The following SETD2 variants were observed in gnomAD, a reference collection of about 807,000 sequenced individuals.
SETD2 encodes SET domain containing 2, histone lysine methyltransferase, also known as histone-lysine N-methyltransferase SETD2.
SETD2 carries 31 observed loss-of-function variants against 242.1 expected under a neutral mutation model. The observed-to-expected ratio is 0.13, with a 90% CI of 0.10 to 0.17. The LOEUF (loss-of-function observed/expected upper bound fraction) is 0.17, where lower values mean the gene tolerates loss of function less well. Among genes scored for constraint, SETD2 ranks in the 10% least tolerant of loss-of-function variants. The probability of loss-of-function intolerance (pLI) is 1.00; values close to 1 mark genes in which losing one functional copy is unlikely to be tolerated. For synonymous variants in SETD2, 1,006 were observed against 1,066.5 expected, an observed-to-expected ratio of 0.94 and a Z score of 1.11; for missense variants, 2,481 against 3,046.3, an observed-to-expected ratio of 0.81 and a Z score of 4.37.
At chr3:47,071,319 T>G (rs1171470646) in intron 12 of SETD2, among the ~76,000 whole-genome samples, 1 of 151,990 alleles carries the variant, frequency 6.6e-6, no homozygotes, top group Non-Finnish European at 1.5e-5. Context: ...TATGGGCCCA[T>G]ACTGTCTTAT....
intron 18 of SETD2, among the ~76,000 whole-genome samples, chr3:47,032,188 T>G (rs1011841143): frequency 6.6e-6 from 1 of 151,980 alleles, no homozygotes; most frequent in African/African-American, 2.4e-5. Context: ...ACACCAAACT[T>G]TGAGAACCAC....
chr3:47,122,685 C>G lies in SETD2; in HGVS notation c.1951G>C (p.Glu651Gln), dbSNP rs2106684835. 6.2e-7 allele frequency: 1 copy of G among 1,613,296 alleles called. No homozygotes were observed. The highest frequency in any genetic ancestry group is 2.2e-5 in the East Asian group (1 of 44,868). Reference sequence around the variant, plus strand: ...TTCACTTTAGATAAAGAGTCTAATTCCTTAATACTATCATGGCTATCATGT... The same window carrying G: ...TTCACTTTAGATAAAGAGTCTAATTGCTTAATACTATCATGGCTATCATGT... ...ITHDSHDSIK[E>Q]LDSLSKVKND... Residue 651 changes from glutamate to glutamine, a missense_variant, in exon 3 of 21, where the codon GAA (glutamate) becomes CAA (glutamine). This residue lies in a region of SETD2 where 1,300 missense variants were observed against 1,259.2 expected (regional missense o/e 1.03). Coordinates refer to ENST00000409792, the MANE Select transcript of SETD2 (RefSeq NM_014159.7).
At chr3:47,020,925 C>G (rs1459388622) in intron 18 of SETD2, among the ~76,000 whole-genome samples, 2 of 152,200 alleles carry the variant, frequency 1.3e-5, no homozygotes, top group Non-Finnish European at 2.9e-5. Context: ...TGTTACAAAT[C>G]AACTTTCTCT....
At chr3:47,101,172 A>G (rs1486523111) in intron 8 of SETD2, among the ~76,000 whole-genome samples, 1 of 152,088 alleles carries the variant, frequency 6.6e-6, no homozygotes, top group East Asian at 1.9e-4. Flanking sequence ...TTCAGACACA[A>G]AAAGAGTTGG....
intron 6 of SETD2, among the ~76,000 whole-genome samples, chr3:47,103,888 T>C (rs200182971): frequency 5.9e-5 from 9 of 152,232 alleles, no homozygotes; most frequent in Admixed American, 5.9e-4. Flanking sequence ...GGCAAAATTA[T>C]CTTTATCAGT....
intron 1 of SETD2, among the ~76,000 whole-genome samples, chr3:47,147,380 T>C (rs1436417854): frequency 6.8e-6 from 1 of 147,064 alleles, no homozygotes; most frequent in African/African-American, 2.5e-5. Context: ...TGGAGTGCAG[T>C]GACGTGATCT....
intron 1 of SETD2, among the ~76,000 whole-genome samples, chr3:47,162,855 G>A (rs1369161541): frequency 2.6e-5 from 4 of 152,182 alleles, no homozygotes; most frequent in Admixed American, 2.6e-4. Flanking sequence ...AGTGACTCCA[G>A]GCTTTCTGAG....
At position 47,124,286 on chromosome 3, in the gene SETD2, T is replaced by C. The variant is rs2043237411; in HGVS notation, c.350A>G (p.Lys117Arg). ...AGATAAGGTATCACCAATTTCCATT[T>C]TCATTTTAGGAGTCGAGTCTACCTG... The part of the protein sequence containing the change: ...PLQVDSTPKM[K>R]MEIGDTLSTA... The change falls in exon 3 of 21, where the codon AAA (lysine) becomes AGA (arginine). Residue 117 changes from lysine (K) to arginine (R), a missense_variant. Coordinates refer to ENST00000409792, the MANE Select transcript of SETD2 (RefSeq NM_014159.7). 2.6e-6 allele frequency: 4 copies of C among 1,551,778 alleles called. No homozygotes were observed. The highest frequency in any genetic ancestry group is 3.5e-6 in the Non-Finnish European group (4 of 1,147,014).
rs1337700828 is a variant in SETD2 at position 47,039,692 on chromosome 3, C to G, written c.7239-1915G>C. On this transcript the variant is annotated intron_variant, in intron 17 of 20. Coordinates refer to ENST00000409792, the MANE Select transcript of SETD2 (RefSeq NM_014159.7). ...ACCAGCCTGGCCAACACGGTTAAAC[C>G]CTGTCTCTACCGAAAATACAAAAAA... Among the ~76,000 whole-genome samples the G allele has an allele frequency of 3.2e-5, 4 of 126,546 alleles. No homozygotes were observed. The South Asian group carries it at 1.1e-3, about 35-fold the overall frequency. 83.0% of individuals were successfully genotyped at this position (126,546 alleles called of 152,430 possible). A position where few individuals can be genotyped will look rare whatever the true frequency, so the allele number is the denominator to read the frequency against.
chr3:47,130,218 C>T (rs1231074888), intron 1 of SETD2, among the ~76,000 whole-genome samples: 1 of 152,034 alleles, frequency 6.6e-6, no homozygotes, highest in Non-Finnish European at 1.5e-5. Flanking sequence ...AATAACTGAC[C>T]TAAAGATCCC....
chr3:47,110,555 G>A (rs952073725), intron 5 of SETD2, among the ~76,000 whole-genome samples: 1 of 152,050 alleles, frequency 6.6e-6, no homozygotes, highest in Non-Finnish European at 1.5e-5. Context: ...CTTTTTTGGT[G>A]GGGTCTGCCA....
chr3:47,027,277 C>A (rs2038527792), intron 18 of SETD2, among the ~76,000 whole-genome samples: 1 of 140,488 alleles, frequency 7.1e-6, no homozygotes, highest in African/African-American at 2.7e-5. Context: ...GCGGAGCTTG[C>A]AGTAAGCTGA....
chr3:47,072,720 C>T (rs1312594927), intron 12 of SETD2, among the ~76,000 whole-genome samples: 1 of 151,890 alleles, frequency 6.6e-6, no homozygotes, highest in Non-Finnish European at 1.5e-5. Context: ...ACGAGGCAGG[C>T]AGATCACGAG....
intron 15 of SETD2, among the ~76,000 whole-genome samples, chr3:47,051,893 T>C (rs2039860936): frequency 6.6e-6 from 1 of 152,182 alleles, no homozygotes; most frequent in African/African-American, 2.4e-5. Context: ...AGACCGGATG[T>C]TTAAGTAAGG....
chr3:47,124,058 G>A lies in SETD2; in HGVS notation c.578C>T (p.Pro193Leu), dbSNP rs77310684. Reference protein sequence around the residue: ...VDSPPSSPPPPPPPAQATTLS... With the variant: ...VDSPPSSPPPLPPPAQATTLS... The stretch of plus-strand genomic sequence containing the variant: ...TGTTGTGGCTTGGGCAGGTGGAGGC[G>A]GTGGAGGCGGAGATGAGGGCGGTGA... Residue 193 changes from proline to leucine, a missense_variant, in exon 3 of 21, where the codon CCG (proline) becomes CTG (leucine). By Grantham distance (98) the Pro-to-Leu change is moderately conservative. Transcript: ENST00000409792. The A allele has an allele frequency of 7.0e-4, 1,086 of 1,551,882 alleles. 21 individuals carry two copies. The East Asian group carries it at 0.024, about 35-fold the overall frequency.
chr3:47,106,928 T>C (rs1575785286), intron 5 of SETD2, among the ~76,000 whole-genome samples: 1 of 152,346 alleles, frequency 6.6e-6, no homozygotes, highest in African/African-American at 2.4e-5. Flanking sequence ...TAATTCCCTT[T>C]ATGTAATGAC....
At chr3:47,115,921 C>A (rs2042835832) in intron 4 of SETD2, among the ~76,000 whole-genome samples, 1 of 152,200 alleles carries the variant, frequency 6.6e-6, no homozygotes, top group Non-Finnish European at 1.5e-5. Context: ...GCTGGGATTA[C>A]AGGCATGAGC....
chr3:47,049,304 A>AATATATATAT (rs55952850), intron 15 of SETD2, among the ~76,000 whole-genome samples: 84 of 108,532 alleles, frequency 7.7e-4, no homozygotes, highest in East Asian at 1.4e-3. Flanking sequence ...AAGTTTTCTA[A>AATATATATAT]ATATATATAT....
intron 14 of SETD2, among the ~76,000 whole-genome samples, chr3:47,061,074 C>T (rs1336624916): frequency 6.6e-6 from 1 of 151,952 alleles, no homozygotes; most frequent in Non-Finnish European, 1.5e-5. Flanking sequence ...ACAAATTAGC[C>T]GGGCATGGTG....
Sources: allele counts gnomAD v4.1 joint callset (sites outside exome capture counted in the v4.1 genomes callset), GRCh38; gene constraint gnomAD v4.1.1; regional missense constraint gnomAD v4.1.1; transcripts MANE v1.5; gene names NCBI Gene and HGNC (gene_info 2026-07-23, HGNC 2026-07-21).